The following RSPH10B variants were observed in gnomAD, a reference collection of about 807,000 sequenced individuals.
The protein encoded by RSPH10B is radial spoke head 10 homolog B, also known as radial spoke head 10 homolog B (Chlamydomonas).
RSPH10B carries 7 observed loss-of-function variants against 52.5 expected under a neutral mutation model. That is an observed-to-expected ratio of 0.13 (90% CI 0.08 to 0.25). The LOEUF (loss-of-function observed/expected upper bound fraction) is 0.25, where lower values mean the gene tolerates loss of function less well. RSPH10B is among the 10% of genes least tolerant of loss of function. The pLI is 1.00. For missense variants in RSPH10B, 89 were observed against 542.5 expected, an observed-to-expected ratio of 0.16 and a Z score of 8.30; for synonymous variants, 28 against 193.2, an observed-to-expected ratio of 0.14 and a Z score of 7.09.
Position 5,944,804 on chromosome 7 carries a change from C to T in RSPH10B, c.1529+260G>A, listed in dbSNP as rs2428898. Reference sequence around the variant, plus strand: ...TGAAACCCCGTCTCTACTAAAAATACAAAAAAAAATTAGCCAGGCATGGTG... The same window carrying T: ...TGAAACCCCGTCTCTACTAAAAATATAAAAAAAAATTAGCCAGGCATGGTG... On this transcript the variant is annotated intron_variant, in intron 11 of 18. Transcript: ENST00000337579. 7.6e-5 allele frequency among the ~76,000 whole-genome samples: 11 copies of T among 144,040 alleles called. 1 individual carries two copies. Among genetic ancestry groups the T allele is most frequent in the Admixed American group, 6.3e-4 (9 of 14,346 alleles). 94.5% of individuals were successfully genotyped at this position (144,040 alleles called of 152,430 possible).
Position 5,928,846 on chromosome 7 carries a change from G to A in RSPH10B, c.2234-452C>T, listed in dbSNP as rs553027409. ...TCACCATGTTGGCCAGGCTGGTCTC[G>A]AACTCTTAACCTCACGTGATCCACC... On this transcript the variant is annotated intron_variant, in intron 17 of 18. Coordinates refer to ENST00000337579, the Ensembl canonical transcript of RSPH10B. 5.9e-3 allele frequency among the ~76,000 whole-genome samples: 874 copies of A among 149,074 alleles called. 16 individuals carry two copies. The highest frequency in any genetic ancestry group is 0.021 in the African/African-American group (825 of 39,880).
chr7:5,928,552 A>C (rs1445531163), intron 17 of RSPH10B, among the ~76,000 whole-genome samples, 158 bp from the exon 20 acceptor site: 1 of 151,254 alleles, frequency 6.6e-6, no homozygotes, highest in African/African-American at 2.4e-5. Flanking sequence ...GACCACCTGG[A>C]ACAAGGCAGG....
chr7:5,955,158 C>G (rs1780709687), intron 7 of RSPH10B, among the ~76,000 whole-genome samples: 2 of 136,900 alleles, frequency 1.5e-5, no homozygotes, highest in African/African-American at 5.2e-5. Context: ...GAGCGAAACT[C>G]TGTCTCAAAA....
In RSPH10B at chr7:5,927,068, A is replaced by ATGTG. The variant is rs1162615266; in HGVS notation, c.2433-521_2433-520insCACA. 1.6e-3 allele frequency among the ~76,000 whole-genome samples: 87 copies of ATGTG among 54,890 alleles called. 1 individual carries two copies. The highest frequency in any genetic ancestry group is 6.8e-3 in the African/African-American group (82 of 12,056). The allele number at this position is 54,890 out of a possible 152,430, so 36.0% of individuals were successfully genotyped here. On this transcript the variant is annotated intron_variant, in intron 18 of 18. Transcript: ENST00000337579. ...GTGTATTATGTGTGTGTGTGTGTGT[A>ATGTG]TATGTGTGTGTGTGTGTGTGTGTGT...
chr7:5,937,695 C>T lies in RSPH10B; in HGVS notation c.2010+63G>A, dbSNP rs1490554227. ...TGCTGGGATTACAGGCGTGAGCCAC[C>T]GTGCCCAGCCCTCCTTGCTCTGTAA... On this transcript the variant is annotated intron_variant, in intron 15 of 18. Transcript: ENST00000337579. 1.4e-5 allele frequency: 9 copies of T among 658,842 alleles called. 1 individual carries two copies. The highest frequency in any genetic ancestry group is 5.7e-5 in the African/African-American group (3 of 52,806). The allele number at this position is 658,842 out of a possible 1,614,324, so 40.8% of individuals were successfully genotyped here.
chr7:5,927,048 T>TATTTGTGTGTGTGTGTATATATA (rs1347951159), intron 18 of RSPH10B, among the ~76,000 whole-genome samples: 1 of 70,838 alleles, frequency 1.4e-5, no homozygotes, highest in Non-Finnish European at 3.7e-5. Flanking sequence ...TGTGTGTGTA[T>TATTTGTGTGTGTGTGTATATATA]TATGTGTGTG....
At chr7:5,965,814 G>GCA (rs1781081900) in intron 1 of RSPH10B, 102 bp from the exon 4 acceptor site, 1 of 195,388 alleles carries the variant, frequency 5.1e-6, no homozygotes, top group African/African-American at 5.0e-5. Context: ...AATGAAGTCA[G>GCA]AAAAAAAAAA....
At chr7:5,933,054 G>T (rs2128623685) in intron 16 of RSPH10B, among the ~76,000 whole-genome samples, 179 bp from the exon 19 acceptor site, 1 of 42,454 alleles carries the variant, frequency 2.4e-5, no homozygotes, top group Non-Finnish European at 4.9e-5. Context: ...GTCTTGCTCT[G>T]TTGCCCAGGC....
chr7:5,961,260 G>A (rs1162506029), intron 3 of RSPH10B, among the ~76,000 whole-genome samples: 1 of 142,192 alleles, frequency 7.0e-6, no homozygotes, highest in African/African-American at 2.6e-5. Flanking sequence ...GACTGAGGCG[G>A]GAGGACTGCT....
At chr7:5,955,377 T>TC (rs1376928907) in intron 7 of RSPH10B, among the ~76,000 whole-genome samples, 1 of 62,960 alleles carries the variant, frequency 1.6e-5, no homozygotes, top group African/African-American at 5.5e-5. Flanking sequence ...TCATGTGTAC[T>TC]CTACCACAAT....
intron 13 of RSPH10B, among the ~76,000 whole-genome samples, chr7:5,940,054 G>A (rs1780106932): frequency 7.7e-6 from 1 of 129,132 alleles, no homozygotes; most frequent in African/African-American, 2.7e-5. Context: ...AAAATTAGCT[G>A]CGCATGGTGG....
Position 5,927,115 on chromosome 7 carries a change from A to C in RSPH10B, c.2433-567T>G, listed in dbSNP as rs375506324. On this transcript the variant is annotated intron_variant, in intron 18 of 18. Coordinates refer to ENST00000337579, the Ensembl canonical transcript of RSPH10B. The stretch of plus-strand genomic sequence containing the variant: ...GTGTGTGTATTTTTTTTTTTGAGAT[A>C]GGGTCTTACTGTGTTGCCCAGGCTG... Among the ~76,000 whole-genome samples, 27 of 108,286 alleles carry C rather than the reference A, an allele frequency of 2.5e-4. No individual in the cohort carries two copies. In the East Asian group the frequency reaches 6.0e-3, roughly 24 times the overall value. 71.0% of individuals were successfully genotyped at this position (108,286 alleles called of 152,430 possible).
Position 5,929,171 on chromosome 7 carries a change from G to A in RSPH10B, c.2234-777C>T, listed in dbSNP as rs938868261. On this transcript the variant is annotated intron_variant, in intron 17 of 18. Transcript: ENST00000337579. ...AGAATACAGGCATGTACCACCACACGAGGCTAATTGTTTTAAGTATTACTG... is the reference window on the plus strand; with the variant it reads ...AGAATACAGGCATGTACCACCACACAAGGCTAATTGTTTTAAGTATTACTG... Among the ~76,000 whole-genome samples the A allele has an allele frequency of 8.3e-5, 12 of 144,648 alleles. 2 individuals are homozygous for A. Among genetic ancestry groups the A allele is most frequent in the Admixed American group, 2.1e-4 (3 of 14,424 alleles). The allele number at this position is 144,648 out of a possible 152,430, so 94.9% of individuals were successfully genotyped here. A position where few individuals can be genotyped will look rare whatever the true frequency, so the allele number is the denominator to read the frequency against.
chr7:5,927,022 C>CGCGTGTGTGTGTGTGTGTGTGT lies in RSPH10B; in HGVS notation c.2433-475_2433-474insACACACACACACACACACACGC, dbSNP rs1554284429. Among the ~76,000 whole-genome samples, 7 of 96,006 alleles carry CGCGTGTGTGTGTGTGTGTGTGT rather than the reference C, an allele frequency of 7.3e-5. 1 individual carries two copies. The highest frequency in any genetic ancestry group is 2.9e-4 in the African/African-American group (6 of 21,020). 63.0% of individuals were successfully genotyped at this position (96,006 alleles called of 152,430 possible). ...CACCCACCTCGGCCTCCCAAAGTTA[C>CGCGTGTGTGTGTGTGTGTGTGT]GTGTGTGTGTGTGTGTGTGTGTGTA... On this transcript the variant is annotated intron_variant, in intron 18 of 18. Transcript: ENST00000337579.
exon 19 of RSPH10B, chr7:5,926,344 CTG>C (rs752448641): frequency 4.3e-5 from 54 of 1,258,942 alleles, no homozygotes; most frequent in Admixed American, 3.5e-4. Context: ...CATCCTAAGC[CTG>C]TGTGTGTGTC....
chr7:5,947,888 G>A (rs200514957), intron 10 of RSPH10B, among the ~76,000 whole-genome samples: 1 of 100,490 alleles, frequency 1.0e-5, no homozygotes, highest in Non-Finnish European at 2.2e-5. Context: ...GTGTGTGTGT[G>A]TGTGATGGAG....
At chr7:5,941,840 A>G (rs539257646) in intron 13 of RSPH10B, among the ~76,000 whole-genome samples, 10 of 146,122 alleles carry the variant, frequency 6.8e-5, no homozygotes, top group Middle Eastern at 3.4e-3. Context: ...ACTTTTAAAA[A>G]TTCCTTTTTC....
chr7:5,928,038 G>A (rs546641684), intron 18 of RSPH10B, 158 bp downstream of exon 20: 24 of 925,554 alleles, frequency 2.6e-5, no homozygotes, highest in Non-Finnish European at 3.6e-5. Context: ...GTTCTGCCAG[G>A]AACAGAGACC....
At position 5,943,410 on chromosome 7, in the gene RSPH10B, C is replaced by T. The variant is rs201897178; in HGVS notation, c.1672G>A (p.Glu558Lys). 2.3e-4 allele frequency: 365 copies of T among 1,603,938 alleles called. 7 individuals carry two copies. The Middle Eastern group carries it at 0.015, about 68-fold the overall frequency. Residue 558 changes from glutamate (E) to lysine (K), a missense_variant, in exon 13 of 19, where the codon GAG becomes AAG. By Grantham distance (56) the Glu-to-Lys change is moderately conservative (BLOSUM62 1). Transcript: ENST00000337579. Reference sequence around the variant, plus strand: ...GGTCTGCAGTAAGCGAGATAAATCTCCCAGCACTTATTCATGTAACTCATA... The same window carrying T: ...GGTCTGCAGTAAGCGAGATAAATCTTCCAGCACTTATTCATGTAACTCATA...
Sources: allele counts gnomAD v4.1 joint callset (sites outside exome capture counted in the v4.1 genomes callset), GRCh38; gene constraint gnomAD v4.1.1; transcripts MANE v1.5; gene names NCBI Gene and HGNC (gene_info 2026-07-23, HGNC 2026-07-21).